Variants in SAMD3 observed in about 807,000 individuals in gnomAD.
The protein encoded by SAMD3 is sterile alpha motif domain containing 3, also known as sterile alpha motif domain-containing protein 3.
A neutral mutation model predicts 58.5 loss-of-function variants in SAMD3; 63 were observed. The ratio of observed to expected loss-of-function variants is 1.08; its 90% CI spans 0.88 to 1.33. SAMD3 has a LOEUF of 1.33. SAMD3 is among the 40% of genes most tolerant of loss of function. SAMD3 has a pLI of 0.00. For synonymous variants in SAMD3, 220 were observed against 210.3 expected (o/e 1.05, Z -0.40); for missense variants, 604 against 608.4 (o/e 0.99, Z 0.08).
Position 130,215,618 on chromosome 6 carries a change from T to A in SAMD3, c.-21-324A>T, listed in dbSNP as rs1037809575. ...TACAATGGTACCCAATCCTGTACCA[T>A]TAACACCCAGGTTTCTTCACAAAGA... On this transcript the variant is annotated intron_variant, in intron 2 of 11. Coordinates refer to ENST00000439090, the MANE Select transcript of SAMD3 (RefSeq NM_001017373.4). The A allele has an allele frequency of 3.6e-6, 5 of 1,388,510 alleles. No individual in the cohort carries two copies. In the East Asian group the frequency reaches 1.3e-4, roughly 36 times the overall value. The allele number at this position is 1,388,510 out of a possible 1,614,324, so 86.0% of individuals were successfully genotyped here. A position where few individuals can be genotyped will look rare whatever the true frequency, so the allele number is the denominator to read the frequency against.
At chr6:130,334,466 T>C (rs554416290) in intron 1 of SAMD3, among the ~76,000 whole-genome samples, 19 of 152,314 alleles carry the variant, frequency 1.2e-4, no homozygotes, top group South Asian at 1.0e-3. Context: ...GATGAGGCAA[T>C]TGAGTTTCAG....
upstream of SAMD3, among the ~76,000 whole-genome samples, chr6:130,225,117 A>G (rs1796353015): frequency 6.6e-6 from 1 of 151,920 alleles, no homozygotes; most frequent in Non-Finnish European, 1.5e-5. Context: ...AGTAAGGAGG[A>G]GAGGAAAAGG....
intron 2 of SAMD3, among the ~76,000 whole-genome samples, chr6:130,259,793 T>C (rs1183018052): frequency 6.6e-6 from 1 of 152,172 alleles, no homozygotes; most frequent in African/African-American, 2.4e-5. Flanking sequence ...TTTACCCAGA[T>C]TCCTCTAGTG....
At chr6:130,169,421 G>A (rs1014212128) in intron 8 of SAMD3, among the ~76,000 whole-genome samples, 1 of 152,136 alleles carries the variant, frequency 6.6e-6, no homozygotes, top group Non-Finnish European at 1.5e-5. Context: ...TCAGCGATTT[G>A]CACTATTTGT....
At chr6:130,147,386 T>C (rs2114547504) in intron 9 of SAMD3, among the ~76,000 whole-genome samples, 1 of 152,342 alleles carries the variant, frequency 6.6e-6, no homozygotes, top group African/African-American at 2.4e-5. Context: ...TCTAGATTAA[T>C]ACCGTTAGAA....
At chr6:130,276,661 G>T (rs1774786590) in intron 2 of SAMD3, among the ~76,000 whole-genome samples, 1 of 152,004 alleles carries the variant, frequency 6.6e-6, no homozygotes, top group Non-Finnish European at 1.5e-5. Context: ...TTCCCTAATG[G>T]GTTCTTCTTG....
At position 130,222,757 on chromosome 6, in the gene SAMD3, C is replaced by T. The variant is rs1796273037; in HGVS notation, c.-131G>A. On this transcript the variant is annotated 5_prime_UTR_variant, in exon 1 of 12. It adds an upstream start codon to the 5' untranslated region. Transcript: ENST00000439090. ...GAAGAGAAGATCAAAGGAGAGAGCA[C>T]CCCTCCTCCCCAGGCAAATCCGATC... 6.6e-6 allele frequency: 1 copy of T among 152,138 alleles called. No homozygotes were observed. Among genetic ancestry groups the T allele is most frequent in the Non-Finnish European group, 1.5e-5 (1 of 68,032 alleles). The allele number at this position is 152,138 out of a possible 1,614,324, so 9.4% of individuals were successfully genotyped here.
At chr6:130,180,270 G>A (rs1792168231) in intron 7 of SAMD3, among the ~76,000 whole-genome samples, 1 of 147,850 alleles carries the variant, frequency 6.8e-6, no homozygotes, top group Non-Finnish European at 1.5e-5. Flanking sequence ...ACAGGCTCAT[G>A]CCACCATACC....
chr6:130,252,767 T>C (rs923388632), intron 2 of SAMD3, among the ~76,000 whole-genome samples: 1 of 152,136 alleles, frequency 6.6e-6, no homozygotes. Context: ...GCTTCAACTA[T>C]TAATTCAGCT....
intron 1 of SAMD3, among the ~76,000 whole-genome samples, chr6:130,324,787 G>T (rs1432795414): frequency 1.4e-5 from 2 of 147,396 alleles, no homozygotes; most frequent in Admixed American, 1.3e-4. Flanking sequence ...TTTTTTTTTG[G>T]AATAGAAAAA....
intron 2 of SAMD3, among the ~76,000 whole-genome samples, chr6:130,288,094 G>A (rs1338467151): frequency 2.0e-5 from 3 of 152,186 alleles, no homozygotes; most frequent in African/African-American, 7.2e-5. Context: ...AAGCCCTTTT[G>A]TGAGGTTCCC....
chr6:130,262,937 C>T (rs1338577071), intron 2 of SAMD3, among the ~76,000 whole-genome samples: 2 of 152,086 alleles, frequency 1.3e-5, no homozygotes, highest in Non-Finnish European at 2.9e-5. Context: ...TTCCTTAAAA[C>T]ACAAACCTGC....
intron 2 of SAMD3, among the ~76,000 whole-genome samples, chr6:130,235,274 G>T (rs115513957): frequency 0.023 from 3,513 of 152,274 alleles, 125 homozygotes; most frequent in African/African-American, 0.079. Context: ...CATATTGTGT[G>T]TAGTACTCTC....
intron 5 of SAMD3, among the ~76,000 whole-genome samples, chr6:130,195,849 A>C (rs554050577): frequency 2.0e-5 from 3 of 152,140 alleles, no homozygotes; most frequent in East Asian, 3.9e-4. Flanking sequence ...CACCTTCTAC[A>C]TCCTAGGCAT....
intron 2 of SAMD3, among the ~76,000 whole-genome samples, chr6:130,261,559 C>T (rs996121445): frequency 2.0e-5 from 3 of 151,998 alleles, no homozygotes; most frequent in Non-Finnish European, 2.9e-5. Context: ...TGTGTGTGTG[C>T]CCTTTTTACC....
chr6:130,330,735 T>G (rs1169603990), intron 1 of SAMD3, among the ~76,000 whole-genome samples: 4 of 151,682 alleles, frequency 2.6e-5, no homozygotes, highest in African/African-American at 9.7e-5. Context: ...GTGGCTTGGG[T>G]TTTTCTTCTG....
chr6:130,195,229 C>T (rs549212312), intron 5 of SAMD3, among the ~76,000 whole-genome samples: 2 of 152,160 alleles, frequency 1.3e-5, no homozygotes, highest in East Asian at 3.9e-4. Context: ...CTACCTTAAC[C>T]CACAAGTATA....
At chr6:130,186,237 A>G (rs1792947663) in intron 5 of SAMD3, among the ~76,000 whole-genome samples, 1 of 152,126 alleles carries the variant, frequency 6.6e-6, no homozygotes, top group South Asian at 2.1e-4. Flanking sequence ...TCTGATGACC[A>G]TGGAACCTTT....
chr6:130,267,099 G>C lies in SAMD3; in HGVS notation c.-187-44286C>G, dbSNP rs768848538. On this transcript the variant is annotated intron_variant, in intron 2 of 13. Coordinates refer to the SAMD3 transcript ENST00000368134. ...TTGCTACTGGCTGAAGGAGGGGTTT[G>C]TGGAAAATTTAACCTTACTAATTGC... Among the ~76,000 whole-genome samples, 68 of 152,312 alleles carry C rather than the reference G, an allele frequency of 4.5e-4. No homozygotes were observed. In the Middle Eastern group the frequency reaches 0.01, roughly 23 times the overall value.
Sources: allele counts gnomAD v4.1 joint callset (sites outside exome capture counted in the v4.1 genomes callset), GRCh38; gene constraint gnomAD v4.1.1; transcripts MANE v1.5; gene names NCBI Gene and HGNC (gene_info 2026-07-23, HGNC 2026-07-21).